Variants in FBN1 observed in about 807,000 individuals in gnomAD.
FBN1 encodes fibrillin-1.
FBN1 carries 29 observed loss-of-function variants against 365.1 expected under a neutral mutation model. The observed-to-expected ratio is 0.08, with a 90% CI of 0.06 to 0.11. The LOEUF (loss-of-function observed/expected upper bound fraction) is 0.11, where lower values mean the gene tolerates loss of function less well. Ranked by LOEUF, FBN1 falls within the 10% of genes least tolerant of loss-of-function variation. The probability of loss-of-function intolerance (pLI) is 1.00; values close to 1 mark genes in which losing one functional copy is unlikely to be tolerated. For missense variants in FBN1, 2,476 were observed against 3,703.2 expected, an observed-to-expected ratio of 0.67 and a Z score of 8.60; for synonymous variants, 1,210 against 1,270.5, an observed-to-expected ratio of 0.95 and a Z score of 1.01.
chr15:48,474,218 A>C (rs963998469), intron 34 of FBN1, 37 bp downstream of exon 34: 1 of 1,613,714 alleles, frequency 6.2e-7, no homozygotes, highest in Non-Finnish European at 8.5e-7. Context: ...GGCTTCTCTG[A>C]CTAGTGTTGA....
intron 43 of FBN1, among the ~76,000 whole-genome samples, chr15:48,458,017 G>A (rs749467547): frequency 6.6e-6 from 1 of 152,128 alleles, no homozygotes; most frequent in African/African-American, 2.4e-5. Context: ...TTGTTATCCT[G>A]GAGGGCCCTT....
At chr15:48,578,437 C>T (rs1237573144) in intron 6 of FBN1, among the ~76,000 whole-genome samples, 1 of 152,126 alleles carries the variant, frequency 6.6e-6, no homozygotes, top group Non-Finnish European at 1.5e-5. Context: ...CACTCCTAGG[C>T]GTGTGCTCTC....
intron 46 of FBN1, among the ~76,000 whole-genome samples, chr15:48,447,839 A>T (rs1046339781): frequency 1.3e-5 from 2 of 152,182 alleles, no homozygotes; most frequent in Non-Finnish European, 2.9e-5. Context: ...GTTGAAGACT[A>T]CACCCAGATG....
At chr15:48,492,063 C>T (rs1275116678) in intron 24 of FBN1, among the ~76,000 whole-genome samples, 4 of 152,188 alleles carry the variant, frequency 2.6e-5, no homozygotes, top group Non-Finnish European at 4.4e-5. Flanking sequence ...CACTCCTGAT[C>T]TCCACAGGTG....
intron 37 of FBN1, 43 bp downstream of exon 37, chr15:48,468,369 T>C (rs768116792): frequency 1.9e-6 from 3 of 1,612,236 alleles, no homozygotes; most frequent in African/African-American, 1.3e-5. Context: ...TTCAAAATAA[T>C]ACACAGTATG....
rs1178878403 is a variant in FBN1, at chr15:48,445,456, T to C, written c.5837A>G (p.Gln1946Arg). ...GAAAGACCCCACTGTATTAATGCAT[T>C]GGCCATTTCTGCAAAGATTCCCATT... ...SGNGNLCRNGQCINTVGSFQC... is the reference protein window; with the variant it reads ...SGNGNLCRNGRCINTVGSFQC... Residue 1946 changes from glutamine to arginine, a missense_variant, in exon 48 of 66, where the codon CAA becomes CGA. Physicochemically the swap from Gln to Arg is conservative, Grantham distance 43. Transcript: ENST00000316623. 1.2e-6 allele frequency: 2 copies of C among 1,612,870 alleles called. No individual in the cohort carries two copies. The highest frequency in any genetic ancestry group is 2.2e-5 in the South Asian group (2 of 91,064).
In FBN1 at chr15:48,472,448, C is replaced by T. The variant is rs1019848147; in HGVS notation, c.4336+103G>A. On this transcript the variant is annotated intron_variant, in intron 35 of 65. Transcript: ENST00000316623. ...CCAGCTTAGAAATGAAGCTAAAACA[C>T]ACCTCAGTTTAAAAAAAAAAAAAAA... 2.3e-5 allele frequency: 33 copies of T among 1,439,532 alleles called. 1 individual carries two copies. In the Admixed American group the frequency reaches 4.2e-4, roughly 18 times the overall value. 89.2% of individuals were successfully genotyped at this position (1,439,532 alleles called of 1,614,324 possible). A position where few individuals can be genotyped will look rare whatever the true frequency, so the allele number is the denominator to read the frequency against.
chr15:48,616,699 T>C (rs1889660572), intron 2 of FBN1, among the ~76,000 whole-genome samples: 3 of 152,158 alleles, frequency 2.0e-5, no homozygotes, highest in Admixed American at 2.0e-4. Flanking sequence ...TTTCACTTCA[T>C]GAGCCATCCC....
At chr15:48,460,882 T>C (rs866750094) in intron 42 of FBN1, among the ~76,000 whole-genome samples, 2 of 152,266 alleles carry the variant, frequency 1.3e-5, no homozygotes, top group South Asian at 4.1e-4. Context: ...TCCTTTTCTG[T>C]CTCTCTCTGT....
intron 13 of FBN1, among the ~76,000 whole-genome samples, chr15:48,511,446 T>C (rs1330722071): frequency 6.6e-6 from 1 of 151,972 alleles, no homozygotes; most frequent in Admixed American, 6.6e-5. Flanking sequence ...AAGGATCCCA[T>C]AATTTTTTGA....
At chr15:48,601,471 GAGA>G (rs1233765649) in intron 4 of FBN1, among the ~76,000 whole-genome samples, 2 of 152,182 alleles carry the variant, frequency 1.3e-5, no homozygotes, top group African/African-American at 4.8e-5. Flanking sequence ...TAAATTCTCA[GAGA>G]AGAAGGTTCG....
chr15:48,471,513 T>C (rs2141276751), intron 35 of FBN1, among the ~76,000 whole-genome samples: 2 of 152,282 alleles, frequency 1.3e-5, no homozygotes, highest in South Asian at 4.1e-4. Context: ...GTAAACAAGG[T>C]ATTAGGCACA....
intron 24 of FBN1, among the ~76,000 whole-genome samples, chr15:48,491,443 C>T (rs1035819626): frequency 2.6e-5 from 4 of 151,958 alleles, no homozygotes; most frequent in Admixed American, 2.0e-4. Context: ...CTCCAACTCC[C>T]GGGTTCATGC....
chr15:48,523,750 T>C (rs940879359), intron 9 of FBN1, among the ~76,000 whole-genome samples: 2 of 149,322 alleles, frequency 1.3e-5, no homozygotes, highest in African/African-American at 5.0e-5. Flanking sequence ...TGTCACTTTG[T>C]ACAGAGGGTA....
intron 17 of FBN1, among the ~76,000 whole-genome samples, chr15:48,502,173 C>G (rs564038577): frequency 6.6e-6 from 1 of 152,056 alleles, no homozygotes; most frequent in East Asian, 1.9e-4. Flanking sequence ...GGGTTATAGG[C>G]GCGCACCACC....
At chr15:48,463,829 A>T (rs774924420) in intron 41 of FBN1, 70 bp downstream of exon 41, 21 of 1,510,572 alleles carry the variant, frequency 1.4e-5, no homozygotes, top group Non-Finnish European at 1.8e-5. Flanking sequence ...TAAGGTGATG[A>T]ACTTGTGAGC....
chr15:48,612,831 A>T (rs1311128767), intron 3 of FBN1, among the ~76,000 whole-genome samples, 179 bp downstream of exon 3: 1 of 152,234 alleles, frequency 6.6e-6, no homozygotes, highest in African/African-American at 2.4e-5. Context: ...AAACTTTGAC[A>T]GGGTTTGACC....
intron 6 of FBN1, among the ~76,000 whole-genome samples, chr15:48,538,249 T>C (rs1368008920): frequency 6.6e-6 from 1 of 152,200 alleles, no homozygotes; most frequent in African/African-American, 2.4e-5. Flanking sequence ...TCTATTGTTA[T>C]TTAGGGCTGA....
At chr15:48,557,665 G>A (rs1307377386) in intron 6 of FBN1, among the ~76,000 whole-genome samples, 1 of 152,160 alleles carries the variant, frequency 6.6e-6, no homozygotes, top group Non-Finnish European at 1.5e-5. Flanking sequence ...ATAGGTCCAG[G>A]TTGGGGAAGG....
Sources: allele counts gnomAD v4.1 joint callset (sites outside exome capture counted in the v4.1 genomes callset), GRCh38; gene constraint gnomAD v4.1.1; transcripts MANE v1.5; gene names NCBI Gene and HGNC (gene_info 2026-07-23, HGNC 2026-07-21).